Variants in CYFIP2 observed in about 807,000 individuals in gnomAD.
The protein encoded by CYFIP2 is cytoplasmic FMR1-interacting protein 2.
CYFIP2 carries 29 observed loss-of-function variants against 158.7 expected under a neutral mutation model. That is an observed-to-expected ratio of 0.18 (90% CI 0.14 to 0.25). The LOEUF (loss-of-function observed/expected upper bound fraction) is 0.25. CYFIP2 is among the 10% of genes least tolerant of loss of function. CYFIP2 has a pLI of 1.00. For missense variants in CYFIP2, 852 were observed against 1,639.5 expected (o/e 0.52, Z 8.29); for synonymous variants, 585 against 617.6 (o/e 0.95, Z 0.78).
chr5:157,356,690 C>T (rs1030593349), intron 23 of CYFIP2, among the ~76,000 whole-genome samples: 2 of 152,158 alleles, frequency 1.3e-5, no homozygotes, highest in Non-Finnish European at 2.9e-5. Flanking sequence ...CAGAGTGGGG[C>T]TTTGCTAACA....
rs897885905 is a variant in CYFIP2 at position 157,394,895 on chromosome 5, C to A, written c.*1895C>A. The A allele has an allele frequency of 6.6e-6, 1 of 152,376 alleles. No individual in the cohort carries two copies. The highest frequency in any genetic ancestry group is 1.5e-5 in the Non-Finnish European group (1 of 68,180). 9.4% of individuals were successfully genotyped at this position (152,376 alleles called of 1,614,324 possible). The stretch of plus-strand genomic sequence containing the variant: ...AGACACATTATCCCAGATGGCAGAA[C>A]ATGCTTTCAAAACATATAAAATGTC... On this transcript the variant is annotated 3_prime_UTR_variant, in exon 31 of 31. Coordinates refer to ENST00000620254, the MANE Select transcript of CYFIP2 (RefSeq NM_001037333.3).
chr5:157,364,206 G>GGGT (rs1554119239), intron 26 of CYFIP2: 1 of 144,694 alleles, frequency 6.9e-6, no homozygotes, highest in African/African-American at 2.6e-5. Flanking sequence ...CGGGGTGGCG[G>GGGT]GGGGGGGTGG....
chr5:157,269,547 T>G (rs566791942), intron 1 of CYFIP2: 8 of 152,244 alleles, frequency 5.3e-5, no homozygotes, highest in African/African-American at 1.9e-4. Context: ...CCTGCCCAAC[T>G]GTTACCTGCC....
chr5:157,337,182 T>A (rs1420732565), intron 21 of CYFIP2, among the ~76,000 whole-genome samples: 1 of 152,184 alleles, frequency 6.6e-6, no homozygotes, highest in Non-Finnish European at 1.5e-5. Flanking sequence ...TAAAGACATA[T>A]TCCAGCTAGC....
At chr5:157,295,306 A>G (rs556542376) in intron 4 of CYFIP2, among the ~76,000 whole-genome samples, 62 of 152,264 alleles carry the variant, frequency 4.1e-4, no homozygotes, top group African/African-American at 1.4e-3. Flanking sequence ...TTGTGTTTAT[A>G]TTGTTCTGCC....
chr5:157,363,896 T>A (rs1313957441), intron 26 of CYFIP2: 1 of 152,188 alleles, frequency 6.6e-6, no homozygotes, highest in Non-Finnish European at 1.5e-5. Context: ...TCTTTGTGAC[T>A]TGGGATGAAC....
chr5:157,374,308 A>G (rs1765264361), intron 26 of CYFIP2, among the ~76,000 whole-genome samples: 1 of 152,108 alleles, frequency 6.6e-6, no homozygotes, highest in South Asian at 2.1e-4. Context: ...AGGACATTTC[A>G]CCTCTTTTTA....
At chr5:157,309,243 C>T (rs569344184) in intron 9 of CYFIP2, among the ~76,000 whole-genome samples, 8 of 152,304 alleles carry the variant, frequency 5.3e-5, no homozygotes, top group East Asian at 3.9e-4. Context: ...CCAGCCTCCC[C>T]GCCATTTGCC....
chr5:157,382,516 G>A, intron 26 of CYFIP2, 74 bp from the exon 27 acceptor site: 1 of 1,535,198 alleles, frequency 6.5e-7, no homozygotes, highest in Non-Finnish European at 8.9e-7. Flanking sequence ...CCAGTGCTCA[G>A]GTTTTTAGGA....
At chr5:157,289,517 T>A (rs1334615482) in intron 3 of CYFIP2, among the ~76,000 whole-genome samples, 1 of 152,226 alleles carries the variant, frequency 6.6e-6, no homozygotes, top group African/African-American at 2.4e-5. Flanking sequence ...TTCCTCAGAC[T>A]TTTTTCCTTG....
intron 26 of CYFIP2, among the ~76,000 whole-genome samples, chr5:157,374,588 T>C (rs1765288358): frequency 6.6e-6 from 1 of 152,202 alleles, no homozygotes; most frequent in Non-Finnish European, 1.5e-5. Flanking sequence ...TTGCAGGTGC[T>C]GGCATTTGTC....
At chr5:157,330,696 A>T in intron 19 of CYFIP2, 46 bp from the exon 20 acceptor site, 1 of 1,482,820 alleles carries the variant, frequency 6.7e-7, no homozygotes, top group Non-Finnish European at 9.4e-7. Flanking sequence ...GTTGAGAGTC[A>T]TTCACAATCT....
intron 21 of CYFIP2, 92 bp from the exon 22 acceptor site, chr5:157,338,965 T>G: frequency 1.5e-6 from 2 of 1,313,302 alleles, no homozygotes; most frequent in Non-Finnish European, 2.1e-6. Flanking sequence ...TGAGCAGCTG[T>G]CACTTGCGTG....
intron 23 of CYFIP2, among the ~76,000 whole-genome samples, chr5:157,345,905 GATT>G (rs1318850692): frequency 1.3e-5 from 2 of 152,162 alleles, no homozygotes; most frequent in African/African-American, 2.4e-5. Context: ...CCAGTTGGCT[GATT>G]ATTATTTTCT....
chr5:157,340,985 C>A, intron 22 of CYFIP2, 85 bp from the exon 23 acceptor site: 1 of 1,303,866 alleles, frequency 7.7e-7, no homozygotes, highest in Non-Finnish European at 1.1e-6. Context: ...CTTCACCTGG[C>A]CAGGAAGCAC....
Position 157,389,263 on chromosome 5 carries a change from C to A in CYFIP2, c.3282C>A (p.Val1094=), listed in dbSNP as rs1767015968. The change falls in exon 29 of 31, where the codon GTC becomes GTA. Residue 1094 remains valine (V), a synonymous_variant. Coordinates refer to ENST00000620254, the MANE Select transcript of CYFIP2 (RefSeq NM_001037333.3). ...RLCCGLSMFE[V]ILTRIRSYLQ... is the part of the protein sequence containing the mutation. ...GCTGTGGCCTGTCCATGTTCGAGGT[C>A]ATCCTGACCCGCATTCGGAGCTACC... The A allele has an allele frequency of 3.1e-6, 5 of 1,614,074 alleles. No individual in the cohort carries two copies. Among genetic ancestry groups the A allele is most frequent in the East Asian group, 2.2e-5 (1 of 44,882 alleles).
At chr5:157,364,045 C>G (rs1185210381) in intron 26 of CYFIP2, 1 of 152,044 alleles carries the variant, frequency 6.6e-6, no homozygotes, top group Admixed American at 6.5e-5. Flanking sequence ...TCTGTTACCC[C>G]TTAAATGGAC....
intron 26 of CYFIP2, among the ~76,000 whole-genome samples, chr5:157,379,503 ACT>A (rs753656882): frequency 6.6e-6 from 1 of 151,412 alleles, no homozygotes; most frequent in Non-Finnish European, 1.5e-5. Flanking sequence ...AAAACTCCCA[ACT>A]CTGTCTCTAC....
Position 157,274,143 on chromosome 5 carries a change from A to C in CYFIP2, c.-24+7948A>C, listed in dbSNP as rs543699606. Among the ~76,000 whole-genome samples, 7 of 152,132 alleles carry C rather than the reference A, an allele frequency of 4.6e-5. No individual in the cohort carries two copies. In the South Asian group the frequency reaches 8.3e-4, roughly 18 times the overall value. ...GAAACTCTGTGTAAAAAAAAAAAAA[A>C]AAAAAACCGTTCAGTGGTTTTTAAT... is the stretch of plus-strand genomic sequence containing the variant. On this transcript the variant is annotated intron_variant, in intron 1 of 30. Coordinates refer to ENST00000620254, the MANE Select transcript of CYFIP2 (RefSeq NM_001037333.3).
Sources: gnomAD v4.1 joint callset for allele counts (sites outside exome capture counted in the v4.1 genomes callset) on GRCh38, gnomAD v4.1.1 for gene constraint, MANE v1.5 for transcripts, NCBI Gene and HGNC (gene_info 2026-07-23, HGNC 2026-07-21) for gene names.